Variants in FAM193A observed in about 807,000 individuals in gnomAD.
FAM193A encodes protein FAM193A.
Under a neutral mutation model 126.5 loss-of-function variants are expected in FAM193A, and 22 were observed. That is an observed-to-expected ratio of 0.17 (90% CI 0.12 to 0.25). FAM193A has a LOEUF of 0.25. Ranked by LOEUF, FAM193A falls within the 10% of genes least tolerant of loss-of-function variation. The pLI, the probability that FAM193A is intolerant of heterozygous loss-of-function variation, is 1.00. For synonymous variants in FAM193A, 761 were observed against 646.8 expected (o/e 1.18, Z -2.68); for missense variants, 1,675 against 1,672.8 (o/e 1.00, Z -0.02).
At chr4:2,556,835 T>G (rs1738289483) in intron 1 of FAM193A, among the ~76,000 whole-genome samples, 1 of 152,242 alleles carries the variant, frequency 6.6e-6, no homozygotes, top group South Asian at 2.1e-4. Context: ...CATTGTTCTC[T>G]TGAATATTTT....
At chr4:2,535,737 G>A (rs2108792380), upstream of FAM193A, among the ~76,000 whole-genome samples, 1 of 152,348 alleles carries the variant, frequency 6.6e-6, no homozygotes, top group South Asian at 2.1e-4. Context: ...GCGAGGGTGT[G>A]GGACACGGCC....
Position 2,660,100 on chromosome 4 carries a change from C to A in FAM193A, c.1745+46C>A, listed in dbSNP as rs752638374. 5 of 1,594,544 alleles carry A rather than the reference C, an allele frequency of 3.1e-6. No homozygotes were observed. The East Asian group carries it at 1.1e-4, about 36-fold the overall frequency. On this transcript the variant is annotated intron_variant, in intron 10 of 20. Coordinates refer to ENST00000637812, the MANE Select transcript of FAM193A (RefSeq NM_001366318.2). ...AAAGTTTCCGAAATTTAAGTCGCCC[C>A]AGTAATGAGAAATACATACAGTAAT...
intron 12 of FAM193A, 59 bp downstream of exon 12, chr4:2,663,347 A>G: frequency 7.4e-7 from 1 of 1,352,260 alleles, no homozygotes; most frequent in Non-Finnish European, 1.0e-6. Context: ...TTTTCTCTAA[A>G]CATGAGCATT....
intron 7 of FAM193A, among the ~76,000 whole-genome samples, chr4:2,655,461 G>GTC (rs201654879): frequency 5.3e-5 from 8 of 152,106 alleles, no homozygotes; most frequent in African/African-American, 1.4e-4. Flanking sequence ...GTGTGTGTGT[G>GTC]TGTGTATTCG....
At chr4:2,726,806 C>T (rs1325704023) in intron 20 of FAM193A, among the ~76,000 whole-genome samples, 2 of 142,662 alleles carry the variant, frequency 1.4e-5, no homozygotes, top group African/African-American at 2.7e-5. Context: ...AAAAAAAAGC[C>T]GGGTGTGGTG....
In FAM193A at chr4:2,639,818, A is replaced by G. The variant is rs1436927438; in HGVS notation, c.1122A>G (p.Pro374=). 1.9e-6 allele frequency: 3 copies of G among 1,614,156 alleles called. No homozygotes were observed. Among genetic ancestry groups the G allele is most frequent in the Admixed American group, 1.7e-5 (1 of 60,012 alleles). ...HLFENLVFSE[P]LLQSNLPALV... ...TTGAAAATCTGGTCTTTTCGGAGCCACTTCTTCAGAGCAACTTGCCCGCAC... is the reference window on the plus strand; with the variant it reads ...TTGAAAATCTGGTCTTTTCGGAGCCGCTTCTTCAGAGCAACTTGCCCGCAC... The change falls in exon 6 of 21, where the codon CCA becomes CCG. Residue 374 remains proline (P), a synonymous_variant. Coordinates refer to ENST00000637812, the MANE Select transcript of FAM193A (RefSeq NM_001366318.2).
chr4:2,546,422 C>T (rs1475395632), intron 1 of FAM193A, among the ~76,000 whole-genome samples: 1 of 151,928 alleles, frequency 6.6e-6, no homozygotes. Context: ...TAGTTACACT[C>T]TCCCCAACTC....
intron 13 of FAM193A, among the ~76,000 whole-genome samples, chr4:2,678,443 C>T (rs562743143): frequency 2.7e-5 from 4 of 149,642 alleles, no homozygotes; most frequent in African/African-American, 7.4e-5. Context: ...GCTCACTGCA[C>T]CCTCCACCAC....
At chr4:2,699,632 T>A in intron 18 of FAM193A, 48 bp from the exon 19 acceptor site, 1 of 1,534,964 alleles carries the variant, frequency 6.5e-7, no homozygotes, top group Non-Finnish European at 8.7e-7. Flanking sequence ...ATGACTTAAT[T>A]TTTAGCACTC....
At position 2,663,092 on chromosome 4, in the gene FAM193A, A is replaced by G. The variant is rs768811136; in HGVS notation, c.1900-17A>G. ...TCTGTTTTGAAAAGTGCAAATTACAAAAGATTGTCTTTAAAGTCTCCTCAG... is the reference window on the plus strand; with the variant it reads ...TCTGTTTTGAAAAGTGCAAATTACAGAAGATTGTCTTTAAAGTCTCCTCAG... On this transcript the variant is annotated splice_polypyrimidine_tract_variant and intron_variant, in intron 11 of 20. Transcript: ENST00000637812. 5 of 1,605,368 alleles carry G rather than the reference A, an allele frequency of 3.1e-6. No homozygotes were observed. Among genetic ancestry groups the G allele is most frequent in the East Asian group, 2.2e-5 (1 of 44,754 alleles).
intron 20 of FAM193A, among the ~76,000 whole-genome samples, chr4:2,726,269 G>C (rs1048892418): frequency 3.3e-5 from 5 of 152,158 alleles, no homozygotes; most frequent in African/African-American, 1.2e-4. Context: ...CAAACTCCTG[G>C]ATTCAAGTGA....
intron 1 of FAM193A, among the ~76,000 whole-genome samples, chr4:2,586,696 C>T (rs1315639982): frequency 2.6e-5 from 4 of 152,156 alleles, no homozygotes; most frequent in Non-Finnish European, 5.9e-5. Context: ...CTCTGTTGCC[C>T]AGGCTGGAAT....
At chr4:2,613,156 A>G (rs1741977723) in intron 2 of FAM193A, among the ~76,000 whole-genome samples, 1 of 152,148 alleles carries the variant, frequency 6.6e-6, no homozygotes, top group African/African-American at 2.4e-5. Flanking sequence ...AAAACTTTCC[A>G]GACAGGCACA....
At chr4:2,654,295 C>T (rs1338209003) in intron 7 of FAM193A, 1 of 151,800 alleles carries the variant, frequency 6.6e-6, no homozygotes, top group Non-Finnish European at 1.5e-5. Flanking sequence ...TCACTGCAAC[C>T]TCTGCCTGCT....
At chr4:2,718,686 A>T (rs1719801340) in intron 20 of FAM193A, among the ~76,000 whole-genome samples, 1 of 152,098 alleles carries the variant, frequency 6.6e-6, no homozygotes, top group African/African-American at 2.4e-5. Context: ...AAGATTGTGC[A>T]TCTACCCTCC....
intron 1 of FAM193A, among the ~76,000 whole-genome samples, chr4:2,573,654 G>C (rs1263398302): frequency 1.3e-5 from 2 of 152,124 alleles, no homozygotes; most frequent in Non-Finnish European, 2.9e-5. Context: ...CCCCTCACTT[G>C]TGCGTTTGTT....
At chr4:2,711,634 C>T (rs1168885761) in intron 19 of FAM193A, among the ~76,000 whole-genome samples, 6 of 151,696 alleles carry the variant, frequency 4.0e-5, no homozygotes, top group Admixed American at 2.6e-4. Context: ...GCCACCACGC[C>T]GAGCCTCCAT....
intron 7 of FAM193A, chr4:2,654,973 T>C: frequency 1.9e-6 from 1 of 538,480 alleles, no homozygotes; most frequent in Non-Finnish European, 3.4e-6. Flanking sequence ...TCTGGGAGTC[T>C]AGGAAATCAC....
chr4:2,645,312 A>G (rs1457246777), intron 6 of FAM193A, among the ~76,000 whole-genome samples: 2 of 152,162 alleles, frequency 1.3e-5, no homozygotes, highest in African/African-American at 2.4e-5. Context: ...TATTAGGAAC[A>G]TGAATTTTTT....
Sources: gnomAD v4.1 joint callset for allele counts (sites outside exome capture counted in the v4.1 genomes callset) on GRCh38, gnomAD v4.1.1 for gene constraint, MANE v1.5 for transcripts, NCBI Gene and HGNC (gene_info 2026-07-23, HGNC 2026-07-21) for gene names.